Variants in EPSTI1 observed in about 807,000 individuals in gnomAD.
EPSTI1 encodes the protein epithelial-stromal interaction protein 1.
In EPSTI1, 66 loss-of-function variants were observed where a neutral mutation model predicts 49.9. That is an observed-to-expected ratio of 1.32 (90% CI 1.08 to 1.62). EPSTI1 has a LOEUF of 1.62. Ranked by LOEUF, EPSTI1 falls within the 40% of genes most tolerant of loss-of-function variation. The pLI is 0.00. For synonymous variants in EPSTI1, 137 were observed against 130.7 expected, an observed-to-expected ratio of 1.05 and a Z score of -0.33; for missense variants, 394 against 365.5, an observed-to-expected ratio of 1.08 and a Z score of -0.64.
intron 5 of EPSTI1, among the ~76,000 whole-genome samples, chr13:42,960,419 G>A (rs1343510951): frequency 6.6e-6 from 1 of 152,162 alleles, no homozygotes; most frequent in Non-Finnish European, 1.5e-5. Flanking sequence ...AAGAACCAGT[G>A]GCAAAACACT....
chr13:42,982,645 A>G (rs1176623512), intron 1 of EPSTI1, among the ~76,000 whole-genome samples: 1 of 152,220 alleles, frequency 6.6e-6, no homozygotes, highest in East Asian at 1.9e-4. Flanking sequence ...TTTCTCCTGC[A>G]AAGTACTTCT....
chr13:42,958,988 C>G (rs756002282), intron 5 of EPSTI1, among the ~76,000 whole-genome samples: 2 of 152,168 alleles, frequency 1.3e-5, no homozygotes, highest in Non-Finnish European at 2.9e-5. Flanking sequence ...TCTACGCCCC[C>G]CTTCCAAGAG....
chr13:42,963,127 G>T, intron 5 of EPSTI1, 128 bp downstream of exon 5: 1 of 757,396 alleles, frequency 1.3e-6, no homozygotes, highest in Non-Finnish European at 2.2e-6. Flanking sequence ...AGGAAAAGAA[G>T]AGTGGGGAAT....
At chr13:42,928,535 T>C (rs1555262413) in intron 6 of EPSTI1, among the ~76,000 whole-genome samples, 1 of 152,154 alleles carries the variant, frequency 6.6e-6, no homozygotes, top group Non-Finnish European at 1.5e-5. Flanking sequence ...GTCACTCTGA[T>C]CCAAGCATGA....
intron 6 of EPSTI1, among the ~76,000 whole-genome samples, chr13:42,950,341 TTGTG>T (rs1277664790): frequency 6.6e-6 from 1 of 152,250 alleles, no homozygotes; most frequent in Non-Finnish European, 1.5e-5. Context: ...TGCAATCTGC[TTGTG>T]TATTTTCAGC....
intron 7 of EPSTI1, 34 bp from the exon 8 acceptor site, chr13:42,917,658 A>AAAC: frequency 7.1e-7 from 1 of 1,401,382 alleles, no homozygotes; most frequent in South Asian, 1.2e-5. Context: ...AAAAAAAAAA[A>AAAC]ACAACTTGAT....
chr13:42,979,230 G>A (rs943340757), intron 1 of EPSTI1, among the ~76,000 whole-genome samples: 6 of 152,078 alleles, frequency 3.9e-5, no homozygotes, highest in Non-Finnish European at 5.9e-5. Context: ...AATAACAATA[G>A]GCACAATGAG....
In EPSTI1 at chr13:42,890,429, C is replaced by A. The variant is rs1212910017; in HGVS notation, c.916-1927G>T. Among the ~76,000 whole-genome samples, 5 of 151,820 alleles carry A rather than the reference C, an allele frequency of 3.3e-5. No homozygotes were observed. The South Asian group carries it at 8.3e-4, about 25-fold the overall frequency. On this transcript the variant is annotated intron_variant, in intron 10 of 10. Coordinates refer to ENST00000313624, the MANE Select transcript of EPSTI1 (RefSeq NM_033255.5). ...TCTCCCGCCTCAGCCTCCCAAGTAG[C>A]TGGGACTACAGGAGCCCGCCACCAC...
chr13:42,905,406 A>C (rs775741896), intron 8 of EPSTI1, among the ~76,000 whole-genome samples: 1 of 152,206 alleles, frequency 6.6e-6, no homozygotes, highest in Non-Finnish European at 1.5e-5. Context: ...ACTAAGAAGG[A>C]TAATTTCAGC....
At chr13:42,966,741 G>A (rs1345248584) in intron 3 of EPSTI1, among the ~76,000 whole-genome samples, 2 of 84,660 alleles carry the variant, frequency 2.4e-5, no homozygotes, top group Non-Finnish European at 5.4e-5. Flanking sequence ...GGAGGTGAGG[G>A]GCGCCTCCGC....
At chr13:42,988,349 G>T (rs996540672) in intron 1 of EPSTI1, among the ~76,000 whole-genome samples, 9 of 152,108 alleles carry the variant, frequency 5.9e-5, no homozygotes, top group Non-Finnish European at 1.2e-4. Context: ...GATATTTAAG[G>T]ACAAGACAAA....
chr13:42,953,765 T>C (rs1008742658), intron 6 of EPSTI1, among the ~76,000 whole-genome samples, 183 bp downstream of exon 6: 6 of 152,244 alleles, frequency 3.9e-5, no homozygotes, highest in African/African-American at 1.4e-4. Context: ...TACTAAAGGA[T>C]ACTTTGGTGA....
rs71970864 is a variant in EPSTI1 at position 42,968,921 on chromosome 13, TACACAC to T, written c.331+167_331+172del. 7.8e-3 allele frequency among the ~76,000 whole-genome samples: 920 copies of T among 117,604 alleles called. 10 individuals are homozygous for T. Among genetic ancestry groups the T allele is most frequent in the Non-Finnish European group, 0.01 (623 of 59,464 alleles). The allele number at this position is 117,604 out of a possible 152,430, so 77.2% of individuals were successfully genotyped here. A position where few individuals can be genotyped will look rare whatever the true frequency, so the allele number is the denominator to read the frequency against. ...GCAGAAAATCAGAAAAAAAAAAAAA[TACACAC>T]ACACACACACACACACACACACACA... On this transcript the variant is annotated intron_variant, in intron 3 of 10. Transcript: ENST00000313624.
At chr13:42,894,727 G>T (rs1471910952) in intron 10 of EPSTI1, among the ~76,000 whole-genome samples, 1 of 151,318 alleles carries the variant, frequency 6.6e-6, no homozygotes, top group Non-Finnish European at 1.5e-5. Flanking sequence ...CTGGGCAAGG[G>T]ATGATAAAAA....
intron 8 of EPSTI1, among the ~76,000 whole-genome samples, chr13:42,915,658 C>A: frequency 6.6e-6 from 1 of 152,030 alleles, no homozygotes; most frequent in East Asian, 1.9e-4. Context: ...TACTGAAATC[C>A]CTAAGGATGG....
chr13:42,931,863 G>GA (rs2038386319), intron 6 of EPSTI1, among the ~76,000 whole-genome samples: 1 of 151,928 alleles, frequency 6.6e-6, no homozygotes, highest in South Asian at 2.1e-4. Context: ...TGAGCATCCT[G>GA]GTATATACAT....
At chr13:42,977,440 A>G (rs1456234535) in intron 1 of EPSTI1, among the ~76,000 whole-genome samples, 1 of 152,248 alleles carries the variant, frequency 6.6e-6, no homozygotes, top group Non-Finnish European at 1.5e-5. Context: ...AAATTGAGAC[A>G]TAAGTGGAAG....
intron 10 of EPSTI1, among the ~76,000 whole-genome samples, chr13:42,888,781 C>T (rs2036941015): frequency 6.6e-6 from 1 of 152,134 alleles, no homozygotes; most frequent in Non-Finnish European, 1.5e-5. Context: ...GACAAATATA[C>T]AGTTCGAAAA....
At chr13:42,976,755 TAAAAG>T (rs926962776) in intron 1 of EPSTI1, among the ~76,000 whole-genome samples, 5 of 152,200 alleles carry the variant, frequency 3.3e-5, no homozygotes, top group Non-Finnish European at 5.9e-5. Context: ...AACATACTTG[TAAAAG>T]AAAATTCAGA....
Sources: gnomAD v4.1 joint callset for allele counts (sites outside exome capture counted in the v4.1 genomes callset) on GRCh38, gnomAD v4.1.1 for gene constraint, MANE v1.5 for transcripts, NCBI Gene and HGNC (gene_info 2026-07-23, HGNC 2026-07-21) for gene names.